LRRC4C: variants seen among roughly 807,000 people sequenced by gnomAD.
LRRC4C encodes the protein leucine-rich repeat-containing protein 4C.
In LRRC4C, 5 loss-of-function variants were observed where a neutral mutation model predicts 33.6. The ratio of observed to expected loss-of-function variants is 0.15; its 90% CI spans 0.08 to 0.31. The LOEUF (loss-of-function observed/expected upper bound fraction) is 0.31. LRRC4C is among the 10% of genes least tolerant of loss of function. The pLI is 1.00. For synonymous variants in LRRC4C, 329 were observed against 302.0 expected (o/e 1.09, Z -0.93); for missense variants, 560 against 796.7 (o/e 0.70, Z 3.58).
chr11:40,747,533 C>T lies in LRRC4C; in HGVS notation c.-406-99255G>A, dbSNP rs12420899. Among the ~76,000 whole-genome samples the T allele has an allele frequency of 3.1e-3, 477 of 151,832 alleles. 1 individual carries two copies. Among genetic ancestry groups the T allele is most frequent in the Middle Eastern group, 6.8e-3 (2 of 294 alleles). On this transcript the variant is annotated intron_variant, in intron 2 of 6. Transcript: ENST00000528697. The stretch of plus-strand genomic sequence containing the variant: ...AAATATGATGTCACCACCGAAGGAG[C>T]GTGATAATTCTCCAGCAACAGAGCA...
intron 3 of LRRC4C, among the ~76,000 whole-genome samples, chr11:40,593,605 A>C (rs1959156593): frequency 6.6e-6 from 1 of 152,206 alleles, no homozygotes; most frequent in Non-Finnish European, 1.5e-5. Context: ...CAGTTCTTGC[A>C]TTCAGCTGCT....
chr11:40,805,927 G>T lies in LRRC4C; in HGVS notation c.-407+127708C>A, dbSNP rs529415954. Among the ~76,000 whole-genome samples the T allele has an allele frequency of 3.9e-5, 6 of 152,238 alleles. No individual in the cohort carries two copies. The South Asian group carries it at 1.0e-3, about 26-fold the overall frequency. ...GGTCCTAGGACTCAGCAGATTTCTT[G>T]TTGTTCTGTCCTTGCCTTTTGAGTA... On this transcript the variant is annotated intron_variant, in intron 2 of 6. Coordinates refer to ENST00000528697, the MANE Select transcript of LRRC4C (RefSeq NM_001258419.2).
chr11:40,825,704 G>C (rs1307805661), intron 2 of LRRC4C, among the ~76,000 whole-genome samples: 2 of 151,586 alleles, frequency 1.3e-5, no homozygotes, highest in African/African-American at 4.8e-5. Context: ...GTAAAACAGG[G>C]GAGTGTTTCT....
intron 1 of LRRC4C, among the ~76,000 whole-genome samples, chr11:41,214,502 C>A (rs561651326): frequency 7.2e-6 from 1 of 139,834 alleles, no homozygotes; most frequent in Non-Finnish European, 1.5e-5. Flanking sequence ...GAGGCCAAGG[C>A]GGGTGGATCA....
chr11:40,535,854 C>T (rs1242242489), intron 3 of LRRC4C, among the ~76,000 whole-genome samples: 1 of 152,168 alleles, frequency 6.6e-6, no homozygotes, highest in Admixed American at 6.5e-5. Flanking sequence ...AGTATCACAT[C>T]ACAGAGATTA....
At position 41,234,116 on chromosome 11, in the gene LRRC4C, C is replaced by T. The variant is rs564443350; in HGVS notation, c.-496+225315G>A. Among the ~76,000 whole-genome samples, 118 of 152,116 alleles carry T rather than the reference C, an allele frequency of 7.8e-4. 1 individual carries two copies. The highest frequency in any genetic ancestry group is 1.3e-3 in the African/African-American group (52 of 41,542). On this transcript the variant is annotated intron_variant, in intron 1 of 6. Transcript: ENST00000528697. Reference sequence around the variant, plus strand: ...CATTAATATATCTTAGGGCTCATACCTCTTTGTCTCATACCTGACAAGCTA... The same window carrying T: ...CATTAATATATCTTAGGGCTCATACTTCTTTGTCTCATACCTGACAAGCTA...
chr11:41,083,069 T>C (rs774063834), intron 1 of LRRC4C, among the ~76,000 whole-genome samples: 21 of 152,096 alleles, frequency 1.4e-4, no homozygotes, highest in Non-Finnish European at 1.6e-4. Flanking sequence ...TTAGGGCACC[T>C]TTATTCACCA....
chr11:41,417,233 A>T (rs1954716315), intron 1 of LRRC4C, among the ~76,000 whole-genome samples: 1 of 152,098 alleles, frequency 6.6e-6, no homozygotes, highest in Admixed American at 6.6e-5. Context: ...GATATAAATG[A>T]AAAACAGTGA....
At chr11:40,664,066 T>C (rs1035004239) in intron 2 of LRRC4C, among the ~76,000 whole-genome samples, 1 of 152,166 alleles carries the variant, frequency 6.6e-6, no homozygotes, top group East Asian at 1.9e-4. Flanking sequence ...ATTACATATA[T>C]AGAGCACTTT....
intron 2 of LRRC4C, among the ~76,000 whole-genome samples, chr11:40,877,215 T>C (rs1302910675): frequency 6.6e-6 from 1 of 152,000 alleles, no homozygotes; most frequent in Non-Finnish European, 1.5e-5. Flanking sequence ...ACCCAAGTAG[T>C]CAAACCAGAA....
intron 1 of LRRC4C, among the ~76,000 whole-genome samples, chr11:41,355,572 A>G (rs370216702): frequency 1.3e-5 from 2 of 152,120 alleles, no homozygotes; most frequent in Non-Finnish European, 2.9e-5. Context: ...ATAGTTAAAT[A>G]TTGTATGGAT....
chr11:41,245,002 G>A (rs1948395636), intron 1 of LRRC4C, among the ~76,000 whole-genome samples: 1 of 152,142 alleles, frequency 6.6e-6, no homozygotes, highest in South Asian at 2.1e-4. Context: ...TAATGGAATG[G>A]ACTCTGGAGT....
chr11:40,616,030 C>G (rs996656859), intron 3 of LRRC4C, among the ~76,000 whole-genome samples: 2 of 151,678 alleles, frequency 1.3e-5, no homozygotes, highest in Non-Finnish European at 2.9e-5. Context: ...TATCAGGATC[C>G]GGAATCTACA....
intron 1 of LRRC4C, among the ~76,000 whole-genome samples, chr11:41,062,232 T>C (rs1937836810): frequency 6.6e-6 from 1 of 152,224 alleles, no homozygotes; most frequent in Non-Finnish European, 1.5e-5. Context: ...TTTTTCCTTA[T>C]CTTCTTTCTC....
At chr11:41,061,948 T>C (rs141198046) in intron 1 of LRRC4C, among the ~76,000 whole-genome samples, 1 of 152,292 alleles carries the variant, frequency 6.6e-6, no homozygotes, top group Non-Finnish European at 1.5e-5. Context: ...GTGAGGTGCA[T>C]CCACTGCTCA....
intron 2 of LRRC4C, among the ~76,000 whole-genome samples, chr11:40,904,708 T>C (rs1272369545): frequency 1.3e-5 from 2 of 152,086 alleles, no homozygotes; most frequent in Non-Finnish European, 2.9e-5. Flanking sequence ...CCATTCTCCT[T>C]TTCCTAAGGT....
chr11:41,090,094 G>A (rs1940298997), intron 1 of LRRC4C, among the ~76,000 whole-genome samples: 1 of 152,076 alleles, frequency 6.6e-6, no homozygotes. Context: ...ATAGTATTGA[G>A]TGATTGAAAA....
At chr11:41,170,531 T>C (rs1383245207) in intron 1 of LRRC4C, among the ~76,000 whole-genome samples, 1 of 152,102 alleles carries the variant, frequency 6.6e-6, no homozygotes, top group African/African-American at 2.4e-5. Flanking sequence ...ATAAATGGTG[T>C]TGAGAAAACT....
At chr11:40,904,932 G>A (rs1320251369) in intron 2 of LRRC4C, among the ~76,000 whole-genome samples, 3 of 152,124 alleles carry the variant, frequency 2.0e-5, no homozygotes, top group Non-Finnish European at 4.4e-5. Flanking sequence ...GATAAACCAC[G>A]CTCAAGAGGA....
Sources: gnomAD v4.1 joint callset for allele counts (sites outside exome capture counted in the v4.1 genomes callset) on GRCh38, gnomAD v4.1.1 for gene constraint, MANE v1.5 for transcripts, NCBI Gene and HGNC (gene_info 2026-07-23, HGNC 2026-07-21) for gene names.